The following FER1L6 variants were observed in gnomAD, a reference collection of about 807,000 sequenced individuals.
FER1L6 encodes the protein fer-1-like protein 6.
In FER1L6, 177 loss-of-function variants were observed where a neutral mutation model predicts 219.2. The observed-to-expected ratio is 0.81, with a 90% confidence interval of 0.71 to 0.91. The LOEUF is 0.91. Ranked by LOEUF, FER1L6 falls within the 40% of genes least tolerant of loss-of-function variation. FER1L6 has a pLI of 0.00. For missense variants in FER1L6, 2,153 were observed against 2,259.9 expected, an observed-to-expected ratio of 0.95 and a Z score of 0.96; for synonymous variants, 768 against 824.3, an observed-to-expected ratio of 0.93 and a Z score of 1.17.
intron 39 of FER1L6, among the ~76,000 whole-genome samples, chr8:124,105,915 C>G (rs1035908961): frequency 6.6e-6 from 1 of 152,140 alleles, no homozygotes; most frequent in African/African-American, 2.4e-5. Context: ...AGACCACATA[C>G]TGGTCTGATT....
chr8:123,965,618 G>A (rs1815502227), intron 3 of FER1L6, among the ~76,000 whole-genome samples: 1 of 152,218 alleles, frequency 6.6e-6, no homozygotes, highest in Non-Finnish European at 1.5e-5. Flanking sequence ...TCAGGCAGGA[G>A]ACTGGGAGTT....
At chr8:124,117,941 G>A (rs1047575662) in intron 39 of FER1L6, among the ~76,000 whole-genome samples, 2 of 152,114 alleles carry the variant, frequency 1.3e-5, no homozygotes, top group Admixed American at 1.3e-4. Context: ...ATCAGCAATC[G>A]TGTGTAATAA....
In FER1L6 at chr8:124,039,899, C is replaced by T; in HGVS notation, c.2482C>T (p.Leu828=). The T allele has an allele frequency of 6.2e-7, 1 of 1,614,160 alleles. No homozygotes were observed. The highest frequency in any genetic ancestry group is 8.5e-7 in the Non-Finnish European group (1 of 1,179,996). The change falls in exon 20 of 41, where the codon CTG becomes TTG. Residue 828 remains leucine (L), a synonymous_variant. Coordinates refer to ENST00000522917, the MANE Select transcript of FER1L6 (RefSeq NM_001039112.2). ...LLYQEQHVFQ[L]RAHMYQARGL... is the part of the protein sequence containing the mutation. ...GTCCACAGAACAGCATGTTTTTCAG[C>T]TGAGGGCTCACATGTACCAAGCCCG...
intron 1 of FER1L6, among the ~76,000 whole-genome samples, chr8:123,877,096 C>T (rs959365917): frequency 1.3e-5 from 2 of 152,250 alleles, no homozygotes; most frequent in Non-Finnish European, 2.9e-5. Flanking sequence ...CTGGGTCTTC[C>T]TCCTCCTACT....
At chr8:124,097,925 C>T (rs769321396) in intron 37 of FER1L6, 42 bp downstream of exon 37, 3 of 1,065,282 alleles carry the variant, frequency 2.8e-6, no homozygotes, top group Non-Finnish European at 4.4e-6. Flanking sequence ...TTCCTTCCCT[C>T]CTCACCTTTT....
Position 123,975,299 on chromosome 8 carries a change from A to G in FER1L6, c.676A>G (p.Ile226Val). 6.2e-7 allele frequency: 1 copy of G among 1,608,314 alleles called. No individual in the cohort carries two copies. The highest frequency in any genetic ancestry group is 8.5e-7 in the Non-Finnish European group (1 of 1,176,766). ...SPKTSDTEEP[I>V]EKNLLIPNGF... ...TAAAACTTCTGACACCGAGGAGCCA[A>G]TAGAAAAGTAAGACAGGTCCATCCT... The change falls in exon 8 of 41, where the codon ATA (isoleucine) becomes GTA (valine). Residue 226 changes from isoleucine (I) to valine (V), a missense_variant. Ile to Val is a conservative substitution (Grantham distance 29). Coordinates refer to ENST00000522917, the MANE Select transcript of FER1L6 (RefSeq NM_001039112.2).
intron 1 of FER1L6, among the ~76,000 whole-genome samples, chr8:123,947,924 C>T (rs898076282): frequency 1.2e-4 from 18 of 152,090 alleles, no homozygotes; most frequent in African/African-American, 4.1e-4. Flanking sequence ...AATGGAAGGC[C>T]TACGGTGAGC....
intron 1 of FER1L6, among the ~76,000 whole-genome samples, chr8:123,899,034 C>G (rs371627692): frequency 5.3e-5 from 8 of 151,896 alleles, no homozygotes; most frequent in Non-Finnish European, 1.0e-4. Context: ...ATTGGGATTG[C>G]TGGATCAAAT....
In FER1L6 at chr8:123,971,814, G is replaced by T. The variant is rs373329361; in HGVS notation, c.448-1620G>T. Among the ~76,000 whole-genome samples the T allele has an allele frequency of 2.0e-4, 31 of 152,340 alleles. No homozygotes were observed. The East Asian group carries it at 2.7e-3, about 13-fold the overall frequency. ...ACACACCCTGGTGGTGCCAAAGACA[G>T]TCTTCCCTTCTCAGTGGCCAAGGCA... On this transcript the variant is annotated intron_variant, in intron 6 of 40. Transcript: ENST00000522917.
intron 20 of FER1L6, among the ~76,000 whole-genome samples, chr8:124,044,020 G>A (rs1469209334): frequency 6.6e-6 from 1 of 152,224 alleles, no homozygotes; most frequent in Non-Finnish European, 1.5e-5. Context: ...TATAATGAAT[G>A]AGTGAATGAA....
At chr8:123,961,884 T>C (rs970686879) in intron 2 of FER1L6, among the ~76,000 whole-genome samples, 1 of 148,982 alleles carries the variant, frequency 6.7e-6, no homozygotes, top group Non-Finnish European at 1.5e-5. Flanking sequence ...TGTTTTCTTT[T>C]TTTTTTTTTT....
chr8:123,920,674 T>C (rs1678188708), intron 1 of FER1L6, among the ~76,000 whole-genome samples: 1 of 152,246 alleles, frequency 6.6e-6, no homozygotes, highest in Non-Finnish European at 1.5e-5. Flanking sequence ...TATGGTCTGC[T>C]GCTGAGGAAT....
intron 2 of FER1L6, among the ~76,000 whole-genome samples, chr8:123,962,504 T>C (rs1815334753): frequency 6.6e-6 from 1 of 151,964 alleles, no homozygotes; most frequent in Admixed American, 6.5e-5. Flanking sequence ...ATTCTGTCAG[T>C]CTTATGATCT....
chr8:124,113,776 G>A (rs557001452), intron 39 of FER1L6, among the ~76,000 whole-genome samples: 176 of 152,104 alleles, frequency 1.2e-3, no homozygotes, highest in African/African-American at 3.8e-3. Flanking sequence ...TGTATTTCCC[G>A]TGAAGTGTAA....
chr8:123,870,821 G>T (rs1186595050), intron 1 of FER1L6, among the ~76,000 whole-genome samples: 1 of 152,114 alleles, frequency 6.6e-6, no homozygotes, highest in Non-Finnish European at 1.5e-5. Flanking sequence ...TCATGTAAGA[G>T]GTTGAAGGAT....
At chr8:123,885,951 A>C (rs1817193992) in intron 1 of FER1L6, among the ~76,000 whole-genome samples, 1 of 152,054 alleles carries the variant, frequency 6.6e-6, no homozygotes, top group Non-Finnish European at 1.5e-5. Flanking sequence ...ATGTTTTCTC[A>C]CTTCTGGGAC....
rs187255094 is a variant in FER1L6, at chr8:124,102,425, T to C, written c.5126-721T>C. Among the ~76,000 whole-genome samples the C allele has an allele frequency of 3.7e-4, 56 of 152,270 alleles. No homozygotes were observed. The Middle Eastern group carries it at 0.01, about 28-fold the overall frequency. On this transcript the variant is annotated intron_variant, in intron 38 of 40. Transcript: ENST00000522917. ...CGTTTATATGTATAGGAGAAAGGGA[T>C]AGTCATAGAGAGAGGGCTAAGCACC...
chr8:124,004,236 C>CAAATA (rs978102015), intron 13 of FER1L6: 3 of 151,646 alleles, frequency 2.0e-5, no homozygotes, highest in African/African-American at 7.3e-5. Context: ...TTTCAACCTG[C>CAAATA]AAATAGAAGT....
intron 1 of FER1L6, among the ~76,000 whole-genome samples, chr8:123,862,462 T>C (rs76201728): frequency 0.46 from 53,799 of 117,376 alleles, 13,703 homozygotes; most frequent in Middle Eastern, 0.52. Context: ...TGTCTCTGCC[T>C]GGCTTTGGTA....
Sources: allele counts gnomAD v4.1 joint callset (sites outside exome capture counted in the v4.1 genomes callset), GRCh38; gene constraint gnomAD v4.1.1; transcripts MANE v1.5; gene names NCBI Gene and HGNC (gene_info 2026-07-23, HGNC 2026-07-21).